The following MUC7 variants were observed in gnomAD, a reference collection of about 807,000 sequenced individuals.
MUC7 encodes the protein mucin-7.
Under a neutral mutation model 2.5 loss-of-function variants are expected in MUC7, and 2 were observed. The ratio of observed to expected loss-of-function variants is 0.81; its 90% confidence interval spans 0.33 to 2.55. The LOEUF is 2.55. MUC7 is among the 30% of genes most tolerant of loss of function. The pLI is 0.11. For missense variants in MUC7, 408 were observed against 455.6 expected (o/e 0.90, Z 0.95); for synonymous variants, 133 against 173.4 (o/e 0.77, Z 1.83).
intron 1 of MUC7, among the ~76,000 whole-genome samples, chr4:70,459,519 A>G (rs1234306461): frequency 6.6e-6 from 1 of 152,196 alleles, no homozygotes; most frequent in African/African-American, 2.4e-5. Context: ...AGCATGGCAC[A>G]TGTATACATA....
chr4:70,432,863 G>T (rs1346370298), intron 1 of MUC7, among the ~76,000 whole-genome samples: 1 of 152,124 alleles, frequency 6.6e-6, no homozygotes, highest in Non-Finnish European at 1.5e-5. Context: ...ATGGTTTTAG[G>T]TCTAATATGT....
intron 1 of MUC7, among the ~76,000 whole-genome samples, chr4:70,465,063 A>G (rs1734648193): frequency 6.6e-6 from 1 of 152,204 alleles, no homozygotes; most frequent in South Asian, 2.1e-4. Context: ...ACAGGCAGCA[A>G]TCCTTGCTGT....
At chr4:70,432,949 G>A (rs1264987760) in intron 1 of MUC7, among the ~76,000 whole-genome samples, 1 of 152,110 alleles carries the variant, frequency 6.6e-6, no homozygotes, top group Non-Finnish European at 1.5e-5. Context: ...TCTACATATG[G>A]CTAGCCAGTT....
intron 1 of MUC7, among the ~76,000 whole-genome samples, chr4:70,465,943 T>C (rs1188829025): frequency 1.3e-5 from 2 of 151,910 alleles, no homozygotes; most frequent in Admixed American, 1.3e-4. Flanking sequence ...AGACAAATAA[T>C]CGTCAGATTC....
At chr4:70,447,359 C>T (rs1013413222) in intron 1 of MUC7, among the ~76,000 whole-genome samples, 11 of 152,032 alleles carry the variant, frequency 7.2e-5, no homozygotes, top group African/African-American at 2.4e-4. Flanking sequence ...AATGTTGGCT[C>T]CTCTTTACAA....
chr4:70,436,807 G>A (rs1394550894), intron 1 of MUC7, among the ~76,000 whole-genome samples: 1 of 152,272 alleles, frequency 6.6e-6, no homozygotes, highest in African/African-American at 2.4e-5. Context: ...CAGCTTTTCT[G>A]TTCTGGTTTC....
upstream of MUC7, among the ~76,000 whole-genome samples, chr4:70,471,257 C>T (rs544006908): frequency 3.2e-4 from 49 of 152,110 alleles, no homozygotes; most frequent in African/African-American, 1.1e-3. Context: ...AATGACTAGT[C>T]TAGCTATCAA....
In MUC7 at chr4:70,433,958, C is replaced by T. The variant is rs926880355; in HGVS notation, c.-93+3271C>T. 3.3e-5 allele frequency among the ~76,000 whole-genome samples: 5 copies of T among 152,098 alleles called. No homozygotes were observed. The East Asian group carries it at 5.8e-4, about 18-fold the overall frequency. On this transcript the variant is annotated intron_variant, in intron 1 of 3. Coordinates refer to the MUC7 transcript ENST00000413702. ...ACAGGCTGTTGAATTTTGTCGAAGG[C>T]CTTTTCTGCATCTATTGAGATAATC...
chr4:70,447,851 C>A (rs1203698536), intron 1 of MUC7, among the ~76,000 whole-genome samples: 1 of 152,002 alleles, frequency 6.6e-6, no homozygotes, highest in Non-Finnish European at 1.5e-5. Flanking sequence ...CACTGTAGTC[C>A]CCCTGTAGCA....
upstream of MUC7, among the ~76,000 whole-genome samples, chr4:70,469,048 C>T (rs575540594): frequency 2.6e-5 from 4 of 152,214 alleles, no homozygotes; most frequent in South Asian, 4.1e-4. Context: ...GGTACTGGCA[C>T]CAAAACAGAT....
chr4:70,481,088 C>A lies in MUC7; in HGVS notation c.344C>A (p.Thr115Asn). ...LVATTQIPSV[T>N]FPSASTKITT... Reference sequence around the variant, plus strand: ...GCTACAACCCAAATTCCATCTGTGACTTTCCCATCAGCTTCCACCAAAATT... The same window carrying A: ...GCTACAACCCAAATTCCATCTGTGAATTTCCCATCAGCTTCCACCAAAATT... Residue 115 changes from threonine (T) to asparagine (N), a missense_variant, in exon 3 of 3, where the codon ACT becomes AAT. By Grantham distance (65) the Thr-to-Asn change is moderately conservative. Around this residue, in one of 3 missense-constraint regions of MUC7, gnomAD observed 225 missense variants for 240.5 expected, o/e 0.94. Transcript: ENST00000304887. The A allele has an allele frequency of 1.2e-6, 2 of 1,614,154 alleles. No homozygotes were observed. Among genetic ancestry groups the A allele is most frequent in the Non-Finnish European group, 1.7e-6 (2 of 1,180,036 alleles).
chr4:70,454,597 A>G (rs1231882609), intron 1 of MUC7, among the ~76,000 whole-genome samples: 1 of 152,172 alleles, frequency 6.6e-6, no homozygotes, highest in Non-Finnish European at 1.5e-5. Context: ...TCTTTCAGTG[A>G]TATGAAGTTA....
chr4:70,469,265 A>G (rs2109735308), upstream of MUC7, among the ~76,000 whole-genome samples: 1 of 152,354 alleles, frequency 6.6e-6, no homozygotes, highest in African/African-American at 2.4e-5. Flanking sequence ...CTCAAGATGG[A>G]TTAAAGACTT....
chr4:70,468,195 A>G (rs1483755687), upstream of MUC7, among the ~76,000 whole-genome samples: 1 of 152,214 alleles, frequency 6.6e-6, no homozygotes, highest in African/African-American at 2.4e-5. Flanking sequence ...GGCCTTTGAT[A>G]AAATTAAACA....
intron 2 of MUC7, among the ~76,000 whole-genome samples, 169 bp from the exon 3 acceptor site, chr4:70,480,630 C>T (rs1735135853): frequency 6.6e-6 from 1 of 152,162 alleles, no homozygotes; most frequent in African/African-American, 2.4e-5. Flanking sequence ...AGTAGCAATT[C>T]TTTCTTGAAA....
upstream of MUC7, among the ~76,000 whole-genome samples, chr4:70,468,878 A>C (rs758098278): frequency 9.9e-5 from 15 of 152,148 alleles, no homozygotes; most frequent in Non-Finnish European, 2.1e-4. Context: ...GCTACCATTG[A>C]CCTTCTTCAC....
chr4:70,453,975 T>C (rs560424575), intron 1 of MUC7, among the ~76,000 whole-genome samples: 30 of 152,256 alleles, frequency 2.0e-4, no homozygotes, highest in African/African-American at 7.0e-4. Flanking sequence ...CTCACTATTC[T>C]GCCTGATGCC....
chr4:70,463,608 A>G (rs536420292), intron 1 of MUC7, among the ~76,000 whole-genome samples: 1 of 152,328 alleles, frequency 6.6e-6, no homozygotes, highest in South Asian at 2.1e-4. Context: ...CCATATCACA[A>G]CATTCAGTGC....
At chr4:70,469,385 A>T (rs1303846311), upstream of MUC7, among the ~76,000 whole-genome samples, 4 of 152,222 alleles carry the variant, frequency 2.6e-5, no homozygotes, top group Admixed American at 2.0e-4. Context: ...GGCAATGGCA[A>T]CAAAAGCCAA....
Sources: allele counts gnomAD v4.1 joint callset (sites outside exome capture counted in the v4.1 genomes callset), GRCh38; gene constraint gnomAD v4.1.1; regional missense constraint gnomAD v4.1.1; transcripts MANE v1.5; gene names NCBI Gene and HGNC (gene_info 2026-07-23, HGNC 2026-07-21).